The following RBL2 variants were observed in gnomAD, a reference collection of about 807,000 sequenced individuals.
RBL2 encodes the protein retinoblastoma-like protein 2.
RBL2 carries 56 observed loss-of-function variants against 126.0 expected under a neutral mutation model. The observed-to-expected ratio is 0.44, with a 90% CI of 0.36 to 0.56. RBL2 has a LOEUF of 0.56. Ranked by LOEUF, RBL2 falls within the 20% of genes least tolerant of loss-of-function variation. The probability of loss-of-function intolerance (pLI) is 0.00; values close to 1 mark genes in which losing one functional copy is unlikely to be tolerated. For synonymous variants in RBL2, 454 were observed against 478.5 expected (o/e 0.95, Z 0.67); for missense variants, 1,229 against 1,398.2 (o/e 0.88, Z 1.93).
chr16:53,434,496 T>G lies in RBL2; in HGVS notation c.-61T>G. On this transcript the variant is annotated 5_prime_UTR_variant, in exon 1 of 22. Coordinates refer to ENST00000262133, the MANE Select transcript of RBL2 (RefSeq NM_005611.4). ...GGCGGACGGGCGGGCGCTTCGCCGT[T>G]TGAATGGCTGCGGGCCCGGGCCCTC... The G allele has an allele frequency of 1.5e-6, 2 of 1,329,602 alleles. No homozygotes were observed. The highest frequency in any genetic ancestry group is 1.9e-6 in the Non-Finnish European group (2 of 1,043,578). 82.4% of individuals were successfully genotyped at this position (1,329,602 alleles called of 1,614,324 possible).
intron 11 of RBL2, among the ~76,000 whole-genome samples, chr16:53,463,798 G>A (rs1037192291): frequency 6.6e-6 from 1 of 151,438 alleles, no homozygotes; most frequent in Admixed American, 6.6e-5. Flanking sequence ...AACTCCTGAC[G>A]TCAGGTGATC....
chr16:53,488,596 G>A (rs1961267884), intron 21 of RBL2: 1 of 152,154 alleles, frequency 6.6e-6, no homozygotes, highest in Non-Finnish European at 1.5e-5. Context: ...TACAAAGCAA[G>A]AAGTAGCTTA....
chr16:53,462,825 TTATGTATG>T (rs199757673), intron 11 of RBL2, among the ~76,000 whole-genome samples, 170 bp downstream of exon 11: 5 of 152,102 alleles, frequency 3.3e-5, no homozygotes, highest in Non-Finnish European at 5.9e-5. Context: ...TGCTTTTGTT[TTATGTATG>T]TATGTATGTA....
chr16:53,484,262 A>G (rs1020597988), intron 21 of RBL2, among the ~76,000 whole-genome samples: 3 of 152,244 alleles, frequency 2.0e-5, no homozygotes, highest in Non-Finnish European at 4.4e-5. Context: ...AAAGAACAGA[A>G]TAATAGCAGG....
Position 53,442,720 on chromosome 16 carries a change from T to C in RBL2, c.434T>C (p.Phe145Ser). ...GACATGGCAAATCTACCCCCACATT[T>C]CAGAGAACGTACTGAGAGATTAGAA... Reference protein sequence around the residue: ...WEDMANLPPHFRERTERLERN... With the variant: ...WEDMANLPPHSRERTERLERN... The change falls in exon 3 of 22, where the codon TTC becomes TCC. Residue 145 changes from phenylalanine to serine, a missense_variant. Around this residue, in one of 2 missense-constraint regions of RBL2, gnomAD observed 1,070 missense variants for 1,274.3 expected, o/e 0.84. Transcript: ENST00000262133. 1.2e-6 allele frequency: 2 copies of C among 1,613,942 alleles called. No individual in the cohort carries two copies. Among genetic ancestry groups the C allele is most frequent in the Non-Finnish European group, 1.7e-6 (2 of 1,179,860 alleles).
At chr16:53,454,933 C>G in intron 8 of RBL2, 91 bp downstream of exon 8, 1 of 1,154,262 alleles carries the variant, frequency 8.7e-7, no homozygotes. Flanking sequence ...TTGTGTTTTA[C>G]TTGCCTACAG....
intron 5 of RBL2, among the ~76,000 whole-genome samples, chr16:53,452,611 G>T (rs1377719804): frequency 2.0e-5 from 3 of 151,602 alleles, no homozygotes; most frequent in African/African-American, 2.4e-5. Flanking sequence ...TAACTCCCTT[G>T]TATATTCCCA....
chr16:53,466,914 CTTTATTA>C lies in RBL2; in HGVS notation c.1864-141_1864-135del, dbSNP rs1055309322. On this transcript the variant is annotated intron_variant, in intron 13 of 21. Coordinates refer to ENST00000262133, the MANE Select transcript of RBL2 (RefSeq NM_005611.4). Reference sequence around the variant, plus strand: ...TGACTGCCAAAAGTTTTTTTTTTAACTTTATTATTAAAATGGGAAAGACAGCTGATTT... The same window carrying C: ...TGACTGCCAAAAGTTTTTTTTTTAACTTAAAATGGGAAAGACAGCTGATTT... 5 of 618,348 alleles carry C rather than the reference CTTTATTA, an allele frequency of 8.1e-6. No individual in the cohort carries two copies. The African/African-American group carries it at 9.8e-5, about 12-fold the overall frequency. The allele number at this position is 618,348 out of a possible 1,614,324, so 38.3% of individuals were successfully genotyped here.
intron 17 of RBL2, among the ~76,000 whole-genome samples, chr16:53,474,329 ATTTT>A (rs920597867): frequency 1.6e-5 from 2 of 128,184 alleles, no homozygotes; most frequent in African/African-American, 6.3e-5. Context: ...TTATTTATTT[ATTTT>A]GAGATGGAAT....
At chr16:53,480,032 C>G in intron 19 of RBL2, 41 bp downstream of exon 19, 1 of 1,367,290 alleles carries the variant, frequency 7.3e-7, no homozygotes, top group Non-Finnish European at 1.0e-6. Flanking sequence ...AAATTAGGAG[C>G]TTTTCTTACT....
chr16:53,451,960 A>G (rs2058119457), intron 5 of RBL2, 129 bp downstream of exon 5: 1 of 1,044,500 alleles, frequency 9.6e-7, no homozygotes, highest in South Asian at 1.8e-5. Flanking sequence ...CAGGGTACTT[A>G]TAACTAAGAG....
At chr16:53,436,363 A>G (rs1433732548) in intron 1 of RBL2, among the ~76,000 whole-genome samples, 2 of 152,162 alleles carry the variant, frequency 1.3e-5, no homozygotes, top group Non-Finnish European at 2.9e-5. Flanking sequence ...TGGTTAGTAA[A>G]TTATTTTTGA....
rs1399555790 is a variant in RBL2, at chr16:53,470,869, A to T, written c.2650A>T (p.Met884Leu). The T allele has an allele frequency of 6.2e-7, 1 of 1,614,176 alleles. No homozygotes were observed. Among genetic ancestry groups the T allele is most frequent in the Admixed American group, 1.7e-5 (1 of 60,014 alleles). The change falls in exon 17 of 22, where the codon ATG (methionine) becomes TTG (leucine). Residue 884 changes from methionine (M) to leucine (L), a missense_variant. Coordinates refer to ENST00000262133, the MANE Select transcript of RBL2 (RefSeq NM_005611.4). Reference protein sequence around the residue: ...FSIIQCPELMMDRHLDQLLMC... With the variant: ...FSIIQCPELMLDRHLDQLLMC... Reference sequence around the variant, plus strand: ...CATAATTCAGTGTCCTGAACTTATGATGGACAGACATCTGGACCAGTTATT... The same window carrying T: ...CATAATTCAGTGTCCTGAACTTATGTTGGACAGACATCTGGACCAGTTATT...
At chr16:53,453,813 A>G (rs1235657473) in intron 7 of RBL2, 44 bp downstream of exon 7, 1 of 1,434,738 alleles carries the variant, frequency 7.0e-7, no homozygotes, top group Non-Finnish European at 9.6e-7. Flanking sequence ...TAAATTGTAT[A>G]CTTAGGAAAC....
chr16:53,446,966 C>G lies in RBL2; in HGVS notation c.573-76C>G, dbSNP rs576590581. ...TTTAACTGTGGGTTTTATTTTACAC[C>G]TGATTTATAATCATTTGGGATTTTT... On this transcript the variant is annotated intron_variant, in intron 3 of 21. Transcript: ENST00000262133. 4 of 857,146 alleles carry G rather than the reference C, an allele frequency of 4.7e-6. No individual in the cohort carries two copies. The East Asian group carries it at 8.6e-5, about 18-fold the overall frequency. The allele number at this position is 857,146 out of a possible 1,614,324, so 53.1% of individuals were successfully genotyped here.
chr16:53,487,750 C>CT (rs1436768072), intron 21 of RBL2: 5 of 152,146 alleles, frequency 3.3e-5, no homozygotes, highest in African/African-American at 1.2e-4. Flanking sequence ...CAGCCATAGA[C>CT]TATTAGAAAA....
intron 17 of RBL2, among the ~76,000 whole-genome samples, chr16:53,477,030 T>G (rs1219702386): frequency 6.6e-6 from 1 of 150,734 alleles, no homozygotes; most frequent in South Asian, 2.1e-4. Flanking sequence ...TAAAGTAGCA[T>G]TTTAACGTCA....
intron 21 of RBL2, chr16:53,488,749 T>C (rs568973754): frequency 1.1e-4 from 17 of 152,156 alleles, no homozygotes; most frequent in Admixed American, 4.6e-4. Flanking sequence ...TATGACTTGT[T>C]GAAAAATAAA....
At chr16:53,443,131 A>T (rs750411342) in intron 3 of RBL2, 8 of 179,478 alleles carry the variant, frequency 4.5e-5, no homozygotes, top group Non-Finnish European at 9.2e-5. Flanking sequence ...TTCCTCAGTG[A>T]TCCTTGTTCT....
Sources: gnomAD v4.1 joint callset for allele counts (sites outside exome capture counted in the v4.1 genomes callset) on GRCh38, gnomAD v4.1.1 for gene constraint, gnomAD v4.1.1 regional missense constraint, MANE v1.5 for transcripts, NCBI Gene and HGNC (gene_info 2026-07-23, HGNC 2026-07-21) for gene names.